Variants in NME7 observed in about 807,000 individuals in gnomAD.
NME7 encodes nucleoside diphosphate kinase 7.
In NME7, 41 loss-of-function variants were observed where a neutral mutation model predicts 49.1. That is an observed-to-expected ratio of 0.83 (90% CI 0.65 to 1.08). The LOEUF is 1.08. Ranked by LOEUF, NME7 falls within the 50% of genes least tolerant of loss-of-function variation. NME7 has a pLI of 0.00. For synonymous variants in NME7, 139 were observed against 150.6 expected (o/e 0.92, Z 0.56); for missense variants, 423 against 463.4 (o/e 0.91, Z 0.80).
intron 7 of NME7, among the ~76,000 whole-genome samples, chr1:169,249,342 A>G (rs1395116368): frequency 6.6e-6 from 1 of 152,082 alleles, no homozygotes; most frequent in Non-Finnish European, 1.5e-5. Flanking sequence ...TTGTGACCTG[A>G]GACTACGGAA....
intron 1 of NME7, among the ~76,000 whole-genome samples, chr1:169,334,433 G>C (rs1413544687): frequency 1.3e-5 from 2 of 152,090 alleles, no homozygotes; most frequent in Non-Finnish European, 2.9e-5. Context: ...TCTCATCTTT[G>C]ACAAACCTGA....
At chr1:169,266,763 C>T (rs1649331062) in intron 7 of NME7, among the ~76,000 whole-genome samples, 1 of 133,348 alleles carries the variant, frequency 7.5e-6, no homozygotes, top group South Asian at 2.3e-4. Context: ...TTTCAGGATA[C>T]AAAATCAATT....
chr1:169,139,334 C>T (rs1658523826), intron 11 of NME7, among the ~76,000 whole-genome samples: 1 of 152,046 alleles, frequency 6.6e-6, no homozygotes, highest in South Asian at 2.1e-4. Context: ...ATTATTAGTC[C>T]CATTTTCAGT....
At chr1:169,199,185 T>G (rs1660474151) in intron 10 of NME7, among the ~76,000 whole-genome samples, 1 of 152,036 alleles carries the variant, frequency 6.6e-6, no homozygotes. Context: ...CATTAAATAG[T>G]GATAATTATA....
At chr1:169,293,199 G>A (rs2101901214) in intron 6 of NME7, among the ~76,000 whole-genome samples, 1 of 151,810 alleles carries the variant, frequency 6.6e-6, no homozygotes, top group South Asian at 2.1e-4. Context: ...GGGAGGCTGA[G>A]GCAAGTGGAT....
intron 1 of NME7, among the ~76,000 whole-genome samples, chr1:169,358,513 C>T (rs779466865): frequency 1.3e-5 from 2 of 151,988 alleles, no homozygotes; most frequent in Admixed American, 6.6e-5. Context: ...GAAAATCTGT[C>T]TACAAATAAT....
chr1:169,144,852 T>C (rs1658704197), intron 11 of NME7, among the ~76,000 whole-genome samples: 1 of 152,132 alleles, frequency 6.6e-6, no homozygotes, highest in Admixed American at 6.6e-5. Flanking sequence ...TTTACCCCAG[T>C]AAAATGACTA....
intron 1 of NME7, among the ~76,000 whole-genome samples, chr1:169,362,430 T>C (rs1255785575): frequency 6.6e-6 from 1 of 152,200 alleles, no homozygotes; most frequent in Admixed American, 6.5e-5. Flanking sequence ...GTCCTCTTTA[T>C]AATATGTAAA....
intron 11 of NME7, among the ~76,000 whole-genome samples, chr1:169,156,437 C>G (rs1659076767): frequency 6.6e-6 from 1 of 152,072 alleles, no homozygotes; most frequent in Non-Finnish European, 1.5e-5. Context: ...TTCTTAAATG[C>G]CCCCTGTAAG....
rs545119850 is a variant in NME7, at chr1:169,195,582, A to C, written c.991-26028T>G. On this transcript the variant is annotated intron_variant, in intron 10 of 11. Coordinates refer to ENST00000367811, the MANE Select transcript of NME7 (RefSeq NM_013330.5). ...CCTCATTTCTCCAACTATAAGATGA[A>C]CATCAGAAAGTTTACCTTGAAGGGA... Among the ~76,000 whole-genome samples the C allele has an allele frequency of 3.0e-4, 45 of 152,296 alleles. 1 individual carries two copies. In the East Asian group the frequency reaches 4.8e-3, roughly 16 times the overall value.
At chr1:169,302,421 G>A (rs1650985296) in intron 5 of NME7, 1 of 152,134 alleles carries the variant, frequency 6.6e-6, no homozygotes, top group Non-Finnish European at 1.5e-5. Context: ...ATACCATGCT[G>A]CAATAAAAAA....
At chr1:169,313,694 G>T (rs2101924912) in intron 3 of NME7, among the ~76,000 whole-genome samples, 1 of 151,966 alleles carries the variant, frequency 6.6e-6, no homozygotes, top group East Asian at 1.9e-4. Context: ...CACATACAGG[G>T]AAAAGGCCAA....
At chr1:169,325,063 C>A (rs777893943) in intron 1 of NME7, among the ~76,000 whole-genome samples, 35 of 151,026 alleles carry the variant, frequency 2.3e-4, no homozygotes, top group Admixed American at 5.3e-4. Flanking sequence ...AATGTGAAGA[C>A]AAGATTGAAC....
intron 9 of NME7, among the ~76,000 whole-genome samples, chr1:169,232,556 TGG>T (rs71121745): frequency 5.7e-5 from 8 of 140,918 alleles, no homozygotes; most frequent in Non-Finnish European, 9.2e-5. Flanking sequence ...GCCAGGGTGT[TGG>T]GGGGGGGGCA....
intron 11 of NME7, among the ~76,000 whole-genome samples, chr1:169,163,032 G>C (rs1659295543): frequency 6.6e-6 from 1 of 152,108 alleles, no homozygotes; most frequent in Non-Finnish European, 1.5e-5. Context: ...CCTTGGAAAA[G>C]ACCACATGTT....
intron 4 of NME7, among the ~76,000 whole-genome samples, chr1:169,304,560 G>A (rs1651099874): frequency 6.6e-6 from 1 of 152,028 alleles, no homozygotes; most frequent in Admixed American, 6.5e-5. Flanking sequence ...TTCATCCCGA[G>A]ACATGGAAAG....
At chr1:169,233,820 G>A (rs946993938) in intron 9 of NME7, among the ~76,000 whole-genome samples, 2 of 152,130 alleles carry the variant, frequency 1.3e-5, no homozygotes, top group African/African-American at 4.8e-5. Context: ...ATTTTCAGAA[G>A]GAGCAGAAGG....
At position 169,275,301 on chromosome 1, in the gene NME7, C is replaced by A. The variant is rs1209454934; in HGVS notation, c.754+12002G>T. Among the ~76,000 whole-genome samples the A allele has an allele frequency of 1.6e-5, 2 of 128,122 alleles. 1 individual carries two copies. Among genetic ancestry groups the A allele is most frequent in the Non-Finnish European group, 3.6e-5 (2 of 54,904 alleles). 84.1% of individuals were successfully genotyped at this position (128,122 alleles called of 152,430 possible). A position where few individuals can be genotyped will look rare whatever the true frequency, so the allele number is the denominator to read the frequency against. On this transcript the variant is annotated intron_variant, in intron 7 of 11. Coordinates refer to ENST00000367811, the MANE Select transcript of NME7 (RefSeq NM_013330.5). ...ATTGGTGTATAAGAACACGGTGAAA[C>A]CCCGTCTCTACTAAAAAAAATACAA...
intron 11 of NME7, among the ~76,000 whole-genome samples, chr1:169,150,470 CACTT>C (rs1658881039): frequency 6.6e-6 from 1 of 152,150 alleles, no homozygotes; most frequent in African/African-American, 2.4e-5. Context: ...TGGCCAAACT[CACTT>C]AATATATTAA....
Sources: allele counts gnomAD v4.1 joint callset (sites outside exome capture counted in the v4.1 genomes callset), GRCh38; gene constraint gnomAD v4.1.1; transcripts MANE v1.5; gene names NCBI Gene and HGNC (gene_info 2026-07-23, HGNC 2026-07-21).